ZNF516: variants seen among roughly 807,000 people sequenced by gnomAD.
ZNF516 encodes zinc finger protein 516.
Under a neutral mutation model 79.7 loss-of-function variants are expected in ZNF516, and 19 were observed. That is an observed-to-expected ratio of 0.24 (90% CI 0.17 to 0.35). The LOEUF is 0.35. ZNF516 is among the 10% of genes least tolerant of loss of function. The pLI is 1.00. For synonymous variants in ZNF516, 877 were observed against 739.5 expected (o/e 1.19, Z -3.02); for missense variants, 1,678 against 1,679.5 (o/e 1.00, Z 0.02).
At chr18:76,378,809 T>TG (rs1350196349) in intron 4 of ZNF516, 46 bp downstream of exon 4, 3 of 1,579,470 alleles carry the variant, frequency 1.9e-6, no homozygotes, top group South Asian at 1.2e-5. Context: ...GGGGTGGTTC[T>TG]GGGGGTCACA....
intron 3 of ZNF516, among the ~76,000 whole-genome samples, chr18:76,420,529 T>C (rs1440536961): frequency 6.6e-6 from 1 of 152,170 alleles, no homozygotes; most frequent in Non-Finnish European, 1.5e-5. Context: ...TCAGGACTAT[T>C]TGTATGTGGA....
intron 6 of ZNF516, among the ~76,000 whole-genome samples, chr18:76,367,645 C>T (rs1179351269): frequency 6.6e-6 from 1 of 152,176 alleles, no homozygotes; most frequent in Non-Finnish European, 1.5e-5. Context: ...CTTCCAAGCG[C>T]CTCCAGCCTC....
At chr18:76,445,219 T>C (rs1374591484) in intron 2 of ZNF516, among the ~76,000 whole-genome samples, 10 of 149,718 alleles carry the variant, frequency 6.7e-5, no homozygotes, top group Admixed American at 6.7e-4. Flanking sequence ...ATCATGCCAC[T>C]GCACCCCAGC....
intron 3 of ZNF516, among the ~76,000 whole-genome samples, chr18:76,390,346 G>A (rs796918012): frequency 1.5e-4 from 23 of 152,306 alleles, no homozygotes; most frequent in African/African-American, 5.5e-4. Flanking sequence ...AAGGAACCAT[G>A]ACTGCAGTTT....
At chr18:76,378,567 G>A (rs1039940643) in intron 4 of ZNF516, among the ~76,000 whole-genome samples, 7 of 152,242 alleles carry the variant, frequency 4.6e-5, no homozygotes, top group Non-Finnish European at 8.8e-5. Context: ...CAGCAGGAAG[G>A]AAGCCGTGCA....
intron 1 of ZNF516, chr18:76,487,974 G>A (rs1417341599): frequency 1.0e-5 from 10 of 985,392 alleles, no homozygotes; most frequent in Admixed American, 6.1e-5. Flanking sequence ...ACCAGTTAGC[G>A]ACCAGCCCAA....
chr18:76,478,040 T>C (rs1225779041), intron 1 of ZNF516, among the ~76,000 whole-genome samples: 2 of 151,410 alleles, frequency 1.3e-5, no homozygotes, highest in African/African-American at 4.9e-5. Context: ...TTCCCACGAA[T>C]GGATCTCCTA....
chr18:76,440,951 G>A (rs1208814251), intron 3 of ZNF516, among the ~76,000 whole-genome samples: 1 of 152,196 alleles, frequency 6.6e-6, no homozygotes, highest in Non-Finnish European at 1.5e-5. Context: ...GGGGCTCCAA[G>A]GGGAGCTGAT....
chr18:76,447,422 C>T (rs1912124136), intron 2 of ZNF516, among the ~76,000 whole-genome samples: 1 of 152,240 alleles, frequency 6.6e-6, no homozygotes, highest in African/African-American at 2.4e-5. Context: ...CTACCTACCT[C>T]AGTTCCAGCC....
chr18:76,495,641 T>C (rs1915451992), upstream of ZNF516: 2 of 935,714 alleles, frequency 2.1e-6, no homozygotes, highest in African/African-American at 1.8e-5. Context: ...CTAAGGCTGC[T>C]GCAGCCCCGG....
intron 3 of ZNF516, chr18:76,387,797 A>G (rs76270935): frequency 0.022 from 3,296 of 152,348 alleles, 126 homozygotes; most frequent in African/African-American, 0.076. Flanking sequence ...AATACTGGAT[A>G]GAACAGGGCA....
In ZNF516 at chr18:76,370,526, A is replaced by G; in HGVS notation, c.3432+2T>C. On this transcript the variant is annotated splice_donor_variant, in intron 6 of 6. Transcript: ENST00000443185. LOFTEE classifies it high-confidence loss of function. ...AGACATCCAATTCATCATGAGACCTACTTGTTTGGGGGCGTCTGCGGAGGT... is the reference window on the plus strand; with the variant it reads ...AGACATCCAATTCATCATGAGACCTGCTTGTTTGGGGGCGTCTGCGGAGGT... 1 of 1,604,912 alleles carries G rather than the reference A, an allele frequency of 6.2e-7. No individual in the cohort carries two copies. Among genetic ancestry groups the G allele is most frequent in the Non-Finnish European group, 8.5e-7 (1 of 1,175,052 alleles).
intron 3 of ZNF516, among the ~76,000 whole-genome samples, chr18:76,395,879 C>CG (rs1254370675): frequency 6.6e-6 from 1 of 152,146 alleles, no homozygotes; most frequent in Non-Finnish European, 1.5e-5. Context: ...GACAGGACCC[C>CG]GCTCCTCGTC....
chr18:76,436,261 A>G (rs1599085682), intron 3 of ZNF516, among the ~76,000 whole-genome samples: 1 of 152,162 alleles, frequency 6.6e-6, no homozygotes, highest in Admixed American at 6.5e-5. Context: ...GCTCCAGGCC[A>G]TGGAGTGGCG....
At chr18:76,367,676 G>A (rs1023325633) in intron 6 of ZNF516, among the ~76,000 whole-genome samples, 12 of 152,086 alleles carry the variant, frequency 7.9e-5, no homozygotes, top group South Asian at 2.1e-4. Flanking sequence ...CCCTTCCCAT[G>A]TCACAGCGCT....
At chr18:76,436,376 T>C (rs2145492091) in intron 3 of ZNF516, among the ~76,000 whole-genome samples, 1 of 152,268 alleles carries the variant, frequency 6.6e-6, no homozygotes, top group East Asian at 1.9e-4. Context: ...CGCACTTCAC[T>C]CGTTTTCTCT....
At chr18:76,479,803 C>T (rs2145774482) in intron 1 of ZNF516, among the ~76,000 whole-genome samples, 1 of 152,322 alleles carries the variant, frequency 6.6e-6, no homozygotes, top group African/African-American at 2.4e-5. Context: ...CTGTGGTCTC[C>T]CGAAGAGACG....
intron 1 of ZNF516, among the ~76,000 whole-genome samples, chr18:76,471,967 C>T (rs62110931): frequency 0.14 from 21,326 of 152,168 alleles, 1,878 homozygotes; most frequent in South Asian, 0.22. Context: ...TCCCTCTCAA[C>T]GCATCCAGTG....
At chr18:76,386,237 T>C (rs2074990421) in intron 3 of ZNF516, 1 of 152,090 alleles carries the variant, frequency 6.6e-6, no homozygotes, top group African/African-American at 2.4e-5. Context: ...GGCTGGGCTT[T>C]GTTGAACACA....
Sources: allele counts gnomAD v4.1 joint callset (sites outside exome capture counted in the v4.1 genomes callset), GRCh38; gene constraint gnomAD v4.1.1; transcripts MANE v1.5; gene names NCBI Gene and HGNC (gene_info 2026-07-23, HGNC 2026-07-21).